BCL11A: variants seen among roughly 807,000 people sequenced by gnomAD.
The protein encoded by BCL11A is B cell CLL/lymphoma 11A.
A neutral mutation model predicts 55.9 loss-of-function variants in BCL11A; 2 were observed. The observed-to-expected ratio is 0.04, with a 90% CI of 0.01 to 0.11. The LOEUF (loss-of-function observed/expected upper bound fraction) is 0.11, where lower values mean the gene tolerates loss of function less well. Among genes scored for constraint, BCL11A ranks in the 10% least tolerant of loss-of-function variants. BCL11A has a pLI of 1.00. For synonymous variants in BCL11A, 465 were observed against 473.4 expected, an observed-to-expected ratio of 0.98 and a Z score of 0.23; for missense variants, 817 against 1,137.1, an observed-to-expected ratio of 0.72 and a Z score of 4.05.
chr2:60,474,637 T>C (rs1322930650), intron 2 of BCL11A, among the ~76,000 whole-genome samples: 5 of 152,242 alleles, frequency 3.3e-5, no homozygotes, highest in East Asian at 1.9e-4. Context: ...AGACAAATTG[T>C]CTTAGGACAA....
At position 60,477,888 on chromosome 2, in the gene BCL11A, C is replaced by T. The variant is rs113494332; in HGVS notation, c.386-9055G>A. Among the ~76,000 whole-genome samples the T allele has an allele frequency of 2.8e-3, 430 of 152,238 alleles. 3 individuals carry two copies. Among genetic ancestry groups the T allele is most frequent in the African/African-American group, 9.7e-3 (403 of 41,532 alleles). ...AGGCCTCCCCCAAGGCCAACAAGCC[C>T]AGAGGAGGGCAAGGCCTCCAACTCT... On this transcript the variant is annotated intron_variant, in intron 2 of 3. Coordinates refer to ENST00000642384, the MANE Select transcript of BCL11A (RefSeq NM_022893.4).
intron 2 of BCL11A, among the ~76,000 whole-genome samples, chr2:60,490,879 A>T (rs1678589814): frequency 6.6e-6 from 1 of 152,226 alleles, no homozygotes; most frequent in African/African-American, 2.4e-5. Flanking sequence ...TCAAAATGGT[A>T]ATTTTAACCT....
chr2:60,494,140 A>C (rs1678810245), intron 2 of BCL11A, among the ~76,000 whole-genome samples: 1 of 152,244 alleles, frequency 6.6e-6, no homozygotes, highest in Non-Finnish European at 1.5e-5. Context: ...AGGCACACCT[A>C]CATTACTTAA....
intron 2 of BCL11A, among the ~76,000 whole-genome samples, chr2:60,489,411 G>C (rs1025976554): frequency 6.6e-6 from 1 of 152,170 alleles, no homozygotes; most frequent in East Asian, 1.9e-4. Context: ...AAGCCACCAA[G>C]TCTCCTAGAA....
chr2:60,456,411 A>C (rs1675935210), downstream of BCL11A, among the ~76,000 whole-genome samples: 1 of 152,194 alleles, frequency 6.6e-6, no homozygotes, highest in African/African-American at 2.4e-5. Context: ...AAGATAATTG[A>C]AGGGTATTCC....
intron 2 of BCL11A, among the ~76,000 whole-genome samples, chr2:60,521,003 T>C (rs545828276): frequency 6.6e-6 from 1 of 152,080 alleles, no homozygotes; most frequent in African/African-American, 2.4e-5. Flanking sequence ...ACTATTTGTC[T>C]AAACACTTTT....
chr2:60,462,059 C>T lies in BCL11A; in HGVS notation c.853G>A (p.Glu285Lys). Residue 285 changes from glutamate (E) to lysine (K), a missense_variant, in exon 4 of 4, where the codon GAA (glutamate) becomes AAA (lysine). Transcript: ENST00000642384. ...DPHRIERLGA[E>K]EMALATHHPS... The stretch of plus-strand genomic sequence containing the variant: ...TGATGGGTGGCCAGGGCCATCTCTT[C>T]CGCCCCCAGGCGCTCTATGCGGTGG... 1 of 1,598,032 alleles carries T rather than the reference C, an allele frequency of 6.3e-7. No homozygotes were observed. Among genetic ancestry groups the T allele is most frequent in the Non-Finnish European group, 8.5e-7 (1 of 1,172,174 alleles).
At chr2:60,479,316 C>T (rs1335252961) in intron 2 of BCL11A, among the ~76,000 whole-genome samples, 1 of 152,236 alleles carries the variant, frequency 6.6e-6, no homozygotes, top group African/African-American at 2.4e-5. Flanking sequence ...GGCCACACAC[C>T]ACGGTGGGAC....
chr2:60,483,484 A>G (rs1250637295), intron 2 of BCL11A, among the ~76,000 whole-genome samples: 1 of 152,212 alleles, frequency 6.6e-6, no homozygotes, highest in Non-Finnish European at 1.5e-5. Context: ...CTTTAGCCCC[A>G]GTCTGTTTCT....
chr2:60,510,266 C>T (rs77662111), intron 2 of BCL11A, among the ~76,000 whole-genome samples: 3,509 of 152,192 alleles, frequency 0.023, 144 homozygotes, highest in African/African-American at 0.08. Flanking sequence ...CTTCAAGGAG[C>T]CAGCTGGTCT....
At position 60,458,890 on chromosome 2, in the gene BCL11A, T is replaced by C. The variant is rs1250629237; in HGVS notation, c.*1514A>G. The C allele has an allele frequency of 9.7e-7, 1 of 1,030,866 alleles. No individual in the cohort carries two copies. 63.9% of individuals were successfully genotyped at this position (1,030,866 alleles called of 1,614,324 possible). On this transcript the variant is annotated 3_prime_UTR_variant, in exon 4 of 4. Coordinates refer to ENST00000642384, the MANE Select transcript of BCL11A (RefSeq NM_022893.4). ...ATTAAAAAAATAAAAATAAAAACAA[T>C]GAATCCTCTTCCATGTTAACACAAA...
intron 2 of BCL11A, among the ~76,000 whole-genome samples, chr2:60,505,929 A>G (rs1189620361): frequency 6.6e-6 from 1 of 152,220 alleles, no homozygotes; most frequent in Non-Finnish European, 1.5e-5. Context: ...TAGCAGCCCC[A>G]CCTGGTTCGT....
At chr2:60,463,574 CAA>C (rs1011442627) in intron 3 of BCL11A, among the ~76,000 whole-genome samples, 2 of 152,146 alleles carry the variant, frequency 1.3e-5, no homozygotes, top group African/African-American at 4.8e-5. Context: ...GAAAAGAACC[CAA>C]GAGTGGTAAA....
Position 60,553,227 on chromosome 2 carries a change from C to A in BCL11A, c.44G>T (p.Arg15Leu). 1 of 1,601,518 alleles carries A rather than the reference C, an allele frequency of 6.2e-7. No homozygotes were observed. The highest frequency in any genetic ancestry group is 1.4e-5 in the African/African-American group (1 of 73,292). ...ATTGGGTTACTTACGCGAGAATTCC[C>A]GTTTGCTTAAGTGCTGGGGTTTGCC... ...KQGKPQHLSKREFSPEPLEAI... is the reference protein window; with the variant it reads ...KQGKPQHLSKLEFSPEPLEAI... The change falls in exon 1 of 4, where the codon CGG becomes CTG. Residue 15 changes from arginine to leucine, a missense_variant. Physicochemically the swap from Arg to Leu is moderately radical, Grantham distance 102. Coordinates refer to ENST00000642384, the MANE Select transcript of BCL11A (RefSeq NM_022893.4).
chr2:60,465,315 G>A (rs1465351839), intron 3 of BCL11A, among the ~76,000 whole-genome samples: 1 of 152,188 alleles, frequency 6.6e-6, no homozygotes, highest in Non-Finnish European at 1.5e-5. Flanking sequence ...ATTTATTGAT[G>A]TGTAAAATAT....
At chr2:60,467,239 GATGGTGGTGGTA>G (rs1192242952) in intron 3 of BCL11A, among the ~76,000 whole-genome samples, 4 of 115,542 alleles carry the variant, frequency 3.5e-5, no homozygotes, top group Non-Finnish European at 7.5e-5. Context: ...TGGTGGTAGT[GATGGTGGTGGTA>G]ATGGTGGTGG....
rs556685736 is a variant in BCL11A at position 60,486,688 on chromosome 2, G to A, written c.386-17855C>T. ...ATGTGAACATGCCAACTCAACATCA[G>A]GATTGGGCCTGAAACTTCTCTCAGG... On this transcript the variant is annotated intron_variant, in intron 2 of 3. Transcript: ENST00000642384. Among the ~76,000 whole-genome samples, 37 of 152,304 alleles carry A rather than the reference G, an allele frequency of 2.4e-4. No homozygotes were observed. In the South Asian group the frequency reaches 7.7e-3, roughly 32 times the overall value.
At chr2:60,489,463 C>T (rs971911217) in intron 2 of BCL11A, among the ~76,000 whole-genome samples, 1 of 152,200 alleles carries the variant, frequency 6.6e-6, no homozygotes, top group Non-Finnish European at 1.5e-5. Flanking sequence ...GCCCTGCGTG[C>T]CATTAAAATA....
chr2:60,451,072 C>T (rs566807357), downstream of BCL11A: 1 of 178,612 alleles, frequency 5.6e-6, no homozygotes, highest in Admixed American at 6.3e-5. Context: ...TCAATCTCCA[C>T]CTCCATAAAG....
Sources: allele counts gnomAD v4.1 joint callset (sites outside exome capture counted in the v4.1 genomes callset), GRCh38; gene constraint gnomAD v4.1.1; transcripts MANE v1.5; gene names NCBI Gene and HGNC (gene_info 2026-07-23, HGNC 2026-07-21).